The following GANC variants were observed in gnomAD, a reference collection of about 807,000 sequenced individuals.
The protein encoded by GANC is neutral alpha-glucosidase C.
A neutral mutation model predicts 124.2 loss-of-function variants in GANC; 117 were observed. That is an observed-to-expected ratio of 0.94 (90% confidence interval 0.81 to 1.10). The LOEUF is 1.10. GANC is among the 50% of genes least tolerant of loss of function. The pLI is 0.00. For synonymous variants in GANC, 377 were observed against 376.8 expected, an observed-to-expected ratio of 1.00 and a Z score of -0.01; for missense variants, 1,140 against 1,095.0, an observed-to-expected ratio of 1.04 and a Z score of -0.58.
Position 42,310,835 on chromosome 15 carries a change from C to T in GANC, c.1046C>T (p.Ser349Leu), listed in dbSNP as rs975211410. The T allele has an allele frequency of 1.9e-6, 3 of 1,613,142 alleles. No individual in the cohort carries two copies. Among genetic ancestry groups the T allele is most frequent in the Admixed American group, 3.3e-5 (2 of 60,030 alleles). The change falls in exon 10 of 24, where the codon TCA becomes TTA. Residue 349 changes from serine to leucine, a missense_variant. By Grantham distance (145) the Ser-to-Leu change is moderately radical. Transcript: ENST00000318010. ...CCTTCTGATGTCTTCAAACAGTACT[C>T]ACACCTTACAGGTATTTGCACGAAG... is the stretch of plus-strand genomic sequence containing the variant. ...PTPSDVFKQY[S>L]HLTGTQAMPP...
chr15:42,326,017 C>T (rs2052195569), intron 11 of GANC, among the ~76,000 whole-genome samples: 1 of 152,212 alleles, frequency 6.6e-6, no homozygotes, highest in African/African-American at 2.4e-5. Flanking sequence ...CTTGGCCTCC[C>T]AATGTGTTGG....
intron 5 of GANC, among the ~76,000 whole-genome samples, chr15:42,297,383 G>A (rs566925417): frequency 2.6e-5 from 4 of 151,968 alleles, no homozygotes; most frequent in East Asian, 1.9e-4. Flanking sequence ...GGCTGACATC[G>A]AACTCCTGGG....
chr15:42,306,184 A>G (rs1477698334), intron 6 of GANC, among the ~76,000 whole-genome samples: 1 of 151,942 alleles, frequency 6.6e-6, no homozygotes, highest in Non-Finnish European at 1.5e-5. Flanking sequence ...CAGCCACCAC[A>G]CCCGGCTAAT....
chr15:42,293,131 A>G (rs2051857684), intron 5 of GANC, among the ~76,000 whole-genome samples: 1 of 152,214 alleles, frequency 6.6e-6, no homozygotes, highest in South Asian at 2.1e-4. Context: ...TACACTCTTA[A>G]CATGTCCTGT....
In GANC at chr15:42,325,227, C is replaced by T. The variant is rs926571753; in HGVS notation, c.1294-1071C>T. Among the ~76,000 whole-genome samples, 120 of 151,934 alleles carry T rather than the reference C, an allele frequency of 7.9e-4. 1 individual carries two copies. Among genetic ancestry groups the T allele is most frequent in the African/African-American group, 2.7e-3 (112 of 41,440 alleles). ...GGCGGAGGTTGCAATGAGCCGAGAT[C>T]GTGCCACTGCACTCCAGCCTGGGCG... On this transcript the variant is annotated intron_variant, in intron 11 of 23. Transcript: ENST00000318010.
intron 10 of GANC, among the ~76,000 whole-genome samples, chr15:42,321,443 C>T (rs1678998): frequency 0.91 from 138,253 of 151,996 alleles, 64,234 homozygotes; most frequent in Non-Finnish European, 1. Context: ...GGTATATTCC[C>T]ACTAACTCTA....
chr15:42,308,410 A>G (rs2052018890), intron 8 of GANC, 92 bp downstream of exon 8: 5 of 785,586 alleles, frequency 6.4e-6, no homozygotes, highest in Non-Finnish European at 1.1e-5. Flanking sequence ...CAGTGCTAAT[A>G]TGTGCCAGGC....
chr15:42,339,771 A>G lies in GANC; in HGVS notation c.1946A>G (p.Asn649Ser), dbSNP rs764453632. 11 of 1,613,994 alleles carry G rather than the reference A, an allele frequency of 6.8e-6. No individual in the cohort carries two copies. Among genetic ancestry groups the G allele is most frequent in the South Asian group, 6.6e-5 (6 of 91,080 alleles). Residue 649 changes from asparagine (N) to serine (S), a missense_variant, in exon 17 of 24, where the codon AAC (asparagine) becomes AGC (serine). Transcript: ENST00000318010. The stretch of plus-strand genomic sequence containing the variant: ...TTCTTCCGTGGCCATGCCACCATGA[A>G]CACCAAGCGACGAGAGCCCTGGCTC... Reference protein sequence around the residue: ...QPFFRGHATMNTKRREPWLFG... With the variant: ...QPFFRGHATMSTKRREPWLFG...
rs1236592755 is a variant in GANC, at chr15:42,308,095, A to G, written c.626-127A>G. The G allele has an allele frequency of 7.0e-6, 4 of 569,396 alleles. No homozygotes were observed. In the East Asian group the frequency reaches 1.0e-4, roughly 15 times the overall value. 35.3% of individuals were successfully genotyped at this position (569,396 alleles called of 1,614,324 possible). A position where few individuals can be genotyped will look rare whatever the true frequency, so the allele number is the denominator to read the frequency against. On this transcript the variant is annotated intron_variant, in intron 7 of 23. Transcript: ENST00000318010. ...AGAGGGTCAGTACACAGCATTTGCT[A>G]ATTGATCTAGGTGAGCCCAGGTCTC...
intron 19 of GANC, chr15:42,344,956 C>A (rs2052352755): frequency 6.6e-6 from 1 of 152,144 alleles, no homozygotes. Flanking sequence ...CTGGACTGTT[C>A]TGTGATTGTT....
rs111686057 is a variant in GANC, at chr15:42,275,597, A to G, written c.30-751A>G. Among the ~76,000 whole-genome samples the G allele has an allele frequency of 8.0e-3, 1,206 of 151,340 alleles. 11 individuals carry two copies. The highest frequency in any genetic ancestry group is 0.014 in the Non-Finnish European group (943 of 67,850). On this transcript the variant is annotated intron_variant, in intron 1 of 23. Transcript: ENST00000318010. ...GCCGGTGTAATTTTTTTTTCTCCTT[A>G]TAATCTGTAGTTGTTTTAATCAGAT...
intron 3 of GANC, among the ~76,000 whole-genome samples, chr15:42,280,443 A>G (rs1329343812): frequency 6.6e-6 from 1 of 152,166 alleles, no homozygotes; most frequent in Admixed American, 6.5e-5. Context: ...TGGAGAGCCA[A>G]CCACTGTTTG....
intron 2 of GANC, among the ~76,000 whole-genome samples, chr15:42,277,273 G>A (rs961423683): frequency 6.6e-6 from 1 of 152,174 alleles, no homozygotes; most frequent in Non-Finnish European, 1.5e-5. Flanking sequence ...GCTCACACCT[G>A]TAATCCCAGC....
At chr15:42,325,222 G>A (rs1365572417) in intron 11 of GANC, among the ~76,000 whole-genome samples, 3 of 151,982 alleles carry the variant, frequency 2.0e-5, no homozygotes, top group Non-Finnish European at 4.4e-5. Context: ...GCAATGAGCC[G>A]AGATCGTGCC....
chr15:42,302,259 G>A (rs2051952327), intron 6 of GANC, among the ~76,000 whole-genome samples: 1 of 152,182 alleles, frequency 6.6e-6, no homozygotes. Flanking sequence ...TGCAGCAGAG[G>A]GGCCTGACTG....
chr15:42,324,592 G>A (rs148823126), intron 11 of GANC, among the ~76,000 whole-genome samples: 56 of 152,198 alleles, frequency 3.7e-4, no homozygotes, highest in East Asian at 1.2e-3. Flanking sequence ...TGGTATATAC[G>A]TACAACAGAA....
intron 13 of GANC, among the ~76,000 whole-genome samples, chr15:42,328,490 T>C (rs538396612): frequency 4.5e-4 from 67 of 150,224 alleles, no homozygotes; most frequent in African/African-American, 1.6e-3. Flanking sequence ...AACACACATG[T>C]TTAGAAATAA....
intron 22 of GANC, 144 bp from the exon 23 acceptor site, chr15:42,351,185 T>C: frequency 1.7e-6 from 1 of 605,694 alleles, no homozygotes; most frequent in Non-Finnish European, 2.9e-6. Flanking sequence ...TTATTATCTC[T>C]TCATCCTAGT....
intron 22 of GANC, among the ~76,000 whole-genome samples, chr15:42,351,066 T>G (rs2052430196): frequency 6.6e-6 from 1 of 150,536 alleles, no homozygotes; most frequent in Non-Finnish European, 1.5e-5. Flanking sequence ...TAGACAGGAT[T>G]TTGCCATGTT....
Sources: allele counts gnomAD v4.1 joint callset (sites outside exome capture counted in the v4.1 genomes callset), GRCh38; gene constraint gnomAD v4.1.1; transcripts MANE v1.5; gene names NCBI Gene and HGNC (gene_info 2026-07-23, HGNC 2026-07-21).